The following MYO5B variants were observed in gnomAD, a reference collection of about 807,000 sequenced individuals.
MYO5B encodes the protein unconventional myosin-Vb.
MYO5B carries 143 observed loss-of-function variants against 229.3 expected under a neutral mutation model. The observed-to-expected ratio is 0.62, with a 90% CI of 0.54 to 0.72. MYO5B has a LOEUF of 0.72. Ranked by LOEUF, MYO5B falls within the 30% of genes least tolerant of loss-of-function variation. The pLI, the probability that MYO5B is intolerant of heterozygous loss-of-function variation, is 0.00. For missense variants in MYO5B, 2,321 were observed against 2,331.0 expected, an observed-to-expected ratio of 1.00 and a Z score of 0.09; for synonymous variants, 918 against 885.2, an observed-to-expected ratio of 1.04 and a Z score of -0.66.
At chr18:50,153,743 C>A (rs1392214658) in intron 1 of MYO5B, among the ~76,000 whole-genome samples, 1 of 152,174 alleles carries the variant, frequency 6.6e-6, no homozygotes, top group African/African-American at 2.4e-5. Context: ...AGTCACTGTG[C>A]CCGGCCTCAC....
At chr18:49,964,663 G>A (rs923343150) in intron 10 of MYO5B, among the ~76,000 whole-genome samples, 1 of 152,162 alleles carries the variant, frequency 6.6e-6, no homozygotes, top group African/African-American at 2.4e-5. Flanking sequence ...CATTACTACA[G>A]CTCAACATTT....
At chr18:49,830,987 A>AC (rs78023080) in intron 39 of MYO5B, among the ~76,000 whole-genome samples, 29,236 of 151,184 alleles carry the variant, frequency 0.19, 4,016 homozygotes, top group East Asian at 0.56. Flanking sequence ...AAAAAAAAAA[A>AC]CCCTCATATT....
chr18:50,099,945 T>C (rs2031624204), intron 1 of MYO5B, among the ~76,000 whole-genome samples: 1 of 152,072 alleles, frequency 6.6e-6, no homozygotes, highest in South Asian at 2.1e-4. Flanking sequence ...ACACTGGACA[T>C]AGGACCAGGG....
At chr18:49,870,648 T>C (rs933286977) in intron 27 of MYO5B, among the ~76,000 whole-genome samples, 1 of 152,090 alleles carries the variant, frequency 6.6e-6, no homozygotes, top group South Asian at 2.1e-4. Context: ...AAAGACTACA[T>C]AGAAATGGCC....
chr18:50,157,800 G>C (rs1045305850), intron 1 of MYO5B, among the ~76,000 whole-genome samples: 1 of 152,218 alleles, frequency 6.6e-6, no homozygotes, highest in Non-Finnish European at 1.5e-5. Context: ...TAGATCATAA[G>C]ATGTATGAGG....
intron 1 of MYO5B, among the ~76,000 whole-genome samples, chr18:50,080,726 G>A (rs868142179): frequency 5.9e-5 from 9 of 152,296 alleles, no homozygotes; most frequent in South Asian, 2.1e-4. Flanking sequence ...TGCTATGTAC[G>A]AAGGATGGTG....
intron 29 of MYO5B, 131 bp downstream of exon 29, chr18:49,863,096 T>C (rs765230417): frequency 1.7e-5 from 13 of 756,388 alleles, no homozygotes; most frequent in Non-Finnish European, 2.5e-5. Flanking sequence ...TCAGTCTTTC[T>C]GTGTCCTCTA....
chr18:49,974,912 TA>T (rs2025733469), intron 9 of MYO5B, among the ~76,000 whole-genome samples: 2 of 152,074 alleles, frequency 1.3e-5, no homozygotes, highest in South Asian at 4.2e-4. Context: ...TATAGGACTT[TA>T]AAAACCAAAA....
chr18:50,130,183 G>A (rs2032231981), intron 1 of MYO5B, among the ~76,000 whole-genome samples: 2 of 152,204 alleles, frequency 1.3e-5, no homozygotes. Context: ...ATTAAGAAAT[G>A]TTGGTTAATA....
intron 26 of MYO5B, among the ~76,000 whole-genome samples, chr18:49,872,680 G>A (rs2024470086): frequency 6.6e-6 from 1 of 152,196 alleles, no homozygotes; most frequent in Admixed American, 6.5e-5. Context: ...ATGACCATGT[G>A]AAGATGGAGG....
At chr18:50,015,780 T>C (rs1489393736) in intron 4 of MYO5B, among the ~76,000 whole-genome samples, 2 of 152,204 alleles carry the variant, frequency 1.3e-5, no homozygotes, top group Non-Finnish European at 2.9e-5. Context: ...TGCAGTAGCC[T>C]CTGCTGAATA....
chr18:49,841,578 C>A (rs1025978623), intron 34 of MYO5B, 124 bp from the exon 35 acceptor site: 3 of 877,612 alleles, frequency 3.4e-6, no homozygotes, highest in African/African-American at 3.3e-5. Context: ...TGAGGCTGGG[C>A]AGGGCACTTG....
At chr18:50,007,513 A>G (rs553509548) in intron 4 of MYO5B, among the ~76,000 whole-genome samples, 12 of 152,232 alleles carry the variant, frequency 7.9e-5, no homozygotes, top group East Asian at 1.9e-4. Context: ...AAGCCTTCCA[A>G]TGGCATCCCT....
chr18:50,008,954 G>A (rs2026132571), intron 4 of MYO5B, among the ~76,000 whole-genome samples: 1 of 152,126 alleles, frequency 6.6e-6, no homozygotes, highest in Non-Finnish European at 1.5e-5. Flanking sequence ...AGAATACATA[G>A]AATTTTAAAA....
chr18:50,179,485 T>C (rs1389935472), intron 1 of MYO5B, among the ~76,000 whole-genome samples: 1 of 152,204 alleles, frequency 6.6e-6, no homozygotes, highest in Non-Finnish European at 1.5e-5. Flanking sequence ...GGCTGCCTTC[T>C]ACAAAAGCTT....
chr18:49,907,196 C>T (rs1230632385), intron 18 of MYO5B, among the ~76,000 whole-genome samples: 1 of 152,152 alleles, frequency 6.6e-6, no homozygotes, highest in Non-Finnish European at 1.5e-5. Flanking sequence ...AGGAGCCAAT[C>T]ACCAAAGGCC....
chr18:50,110,107 A>C (rs1250716786), intron 1 of MYO5B, among the ~76,000 whole-genome samples: 1 of 152,084 alleles, frequency 6.6e-6, no homozygotes, highest in East Asian at 1.9e-4. Flanking sequence ...AGGCCTGGGC[A>C]CCTGCTTTCC....
chr18:50,108,563 G>T (rs2031804850), intron 1 of MYO5B, among the ~76,000 whole-genome samples: 1 of 152,106 alleles, frequency 6.6e-6, no homozygotes, highest in African/African-American at 2.4e-5. Context: ...GCAGAAACAG[G>T]CCAAGTTCTC....
At chr18:49,920,530 A>G (rs2025062710) in intron 17 of MYO5B, among the ~76,000 whole-genome samples, 1 of 152,116 alleles carries the variant, frequency 6.6e-6, no homozygotes. Context: ...ACTCAGCCCC[A>G]TTAGTGGCCC....
Sources: gnomAD v4.1 joint callset for allele counts (sites outside exome capture counted in the v4.1 genomes callset) on GRCh38, gnomAD v4.1.1 for gene constraint, MANE v1.5 for transcripts, NCBI Gene and HGNC (gene_info 2026-07-23, HGNC 2026-07-21) for gene names.